ZMAT1: variants seen among roughly 807,000 people sequenced by gnomAD.
ZMAT1 encodes zinc finger matrin-type protein 1.
A neutral mutation model predicts 18.5 loss-of-function variants in ZMAT1; 11 were observed. The ratio of observed to expected loss-of-function variants is 0.59; its 90% CI spans 0.37 to 0.98. The LOEUF is 0.98. ZMAT1 is among the 50% of genes least tolerant of loss of function. ZMAT1 has a pLI of 0.01. For missense variants in ZMAT1, 525 were observed against 496.2 expected, an observed-to-expected ratio of 1.06 and a Z score of -0.55; for synonymous variants, 211 against 176.4, an observed-to-expected ratio of 1.20 and a Z score of -1.55.
intron 1 of ZMAT1, among the ~76,000 whole-genome samples, chrX:101,923,282 A>G (rs1438848655): frequency 8.9e-6 from 1 of 112,263 alleles, no homozygotes; most frequent in Non-Finnish European, 1.9e-5. Flanking sequence ...GATGAGAGAG[A>G]CTGCATTAGT....
intron 4 of ZMAT1, among the ~76,000 whole-genome samples, chrX:101,896,424 A>T (rs1927810748): frequency 1.8e-5 from 2 of 112,132 alleles, no homozygotes; most frequent in South Asian, 7.4e-4. Context: ...CTTTTATAAG[A>T]TGTTTTTTCT....
chrX:101,884,528 G>A lies in ZMAT1; in HGVS notation c.1070C>T (p.Thr357Ile). ...MEKQLPHSKK[T>I]YDSFQDELED... is the part of the protein sequence containing the mutation. ...AAGTTCATCTTGGAAAGAGTCATAT[G>A]TCTTCTTTGAATGAGGTAACTGCTT... Residue 357 changes from threonine to isoleucine, a missense_variant, in exon 6 of 6, where the codon ACA (threonine) becomes ATA (isoleucine). Transcript: ENST00000651725. The A allele has an allele frequency of 3.3e-6, 4 of 1,211,240 alleles. No homozygotes were observed. The highest frequency in any genetic ancestry group is 1.1e-6 in the Non-Finnish European group (1 of 895,192).
At chrX:101,912,396 G>A (rs1184586008) in intron 1 of ZMAT1, among the ~76,000 whole-genome samples, 1 of 112,323 alleles carries the variant, frequency 8.9e-6, no homozygotes, top group Non-Finnish European at 1.9e-5. Flanking sequence ...TGGATCCAGG[G>A]AAAGCTTTTG....
chrX:101,918,773 C>G (rs773254997), intron 1 of ZMAT1: 1 of 111,651 alleles, frequency 9.0e-6, no homozygotes, highest in Non-Finnish European at 1.9e-5. Context: ...TAAAATTTAA[C>G]ACTTATTTCT....
At chrX:101,890,694 G>C (rs895018092) in intron 4 of ZMAT1, among the ~76,000 whole-genome samples, 4 of 110,787 alleles carry the variant, frequency 3.6e-5, no homozygotes, top group African/African-American at 1.3e-4. Context: ...AGAGGTATGC[G>C]AGCACAAAGA....
chrX:101,889,427 C>T (rs1927214858), intron 4 of ZMAT1: 1 of 111,465 alleles, frequency 9.0e-6, no homozygotes, highest in Non-Finnish European at 1.9e-5. Context: ...GTGGGGCCTA[C>T]TCTTCCCCTA....
chrX:101,923,363 G>T (rs764301154), intron 1 of ZMAT1, among the ~76,000 whole-genome samples: 2 of 111,506 alleles, frequency 1.8e-5, no homozygotes, highest in East Asian at 5.6e-4. Flanking sequence ...GTTTCTACCT[G>T]ACTTTATATG....
chrX:101,917,450 T>C lies in ZMAT1; in HGVS notation c.293-13120A>G, dbSNP rs144404534. 1.5e-4 allele frequency among the ~76,000 whole-genome samples: 15 copies of C among 102,427 alleles called. No homozygotes were observed. In the East Asian group the frequency reaches 3.9e-3, roughly 27 times the overall value. The allele number at this position is 102,427 out of a possible 115,157, so 88.9% of individuals were successfully genotyped here. ...GCATATGAAAAGGTGTTCAACATAA[T>C]TAATCATCAGCAAAATGCAAATCAA... On this transcript the variant is annotated intron_variant, in intron 1 of 5. Coordinates refer to ENST00000651725, the MANE Select transcript of ZMAT1 (RefSeq NM_001394560.1).
chrX:101,909,187 C>T (rs1395334477), intron 1 of ZMAT1, among the ~76,000 whole-genome samples: 1 of 109,865 alleles, frequency 9.1e-6, no homozygotes, highest in Non-Finnish European at 1.9e-5. Context: ...TATTCCCTGA[C>T]TTGAAGGAAA....
At position 101,931,902 on chromosome X, in the gene ZMAT1, G is replaced by C; in HGVS notation, c.107C>G (p.Ala36Gly). The C allele has an allele frequency of 2.5e-6, 2 of 799,746 alleles. No individual in the cohort carries two copies. Among genetic ancestry groups the C allele is most frequent in the Non-Finnish European group, 3.0e-6 (2 of 671,458 alleles). The allele number at this position is 799,746 out of a possible 1,213,427, so 65.9% of individuals were successfully genotyped here. ...SSSSYTACAA[A>G]AAAAAAAAVI... ...TGCCGCCGCCGCCGCCGCCGCCGCC[G>C]CTGCCGCGCAGGCGGTGTAGGAGGA... Residue 36 changes from alanine to glycine, a missense_variant, in exon 1 of 6, where the codon GCG becomes GGG. By Grantham distance (60) the Ala-to-Gly change is moderately conservative (BLOSUM62 0). Transcript: ENST00000651725.
At chrX:101,924,381 G>T (rs910576484) in intron 1 of ZMAT1, among the ~76,000 whole-genome samples, 1 of 112,143 alleles carries the variant, frequency 8.9e-6, no homozygotes, top group Non-Finnish European at 1.9e-5. Context: ...CAAAGTGCTG[G>T]GATTACAGGC....
chrX:101,892,020 A>AT (rs1927444181), intron 4 of ZMAT1, among the ~76,000 whole-genome samples: 1 of 111,480 alleles, frequency 9.0e-6, no homozygotes, highest in Admixed American at 9.5e-5. Context: ...TGATGGCCAA[A>AT]TTTTTCTTGA....
chrX:101,883,495 A>G lies in ZMAT1; in HGVS notation c.*15T>C. ...TTTTTTTTCAATTCAACCTTGGGTA[A>G]ACAAAACTAAACATTCAAAATCCAA... On this transcript the variant is annotated 3_prime_UTR_variant, in exon 6 of 6. Coordinates refer to ENST00000651725, the MANE Select transcript of ZMAT1 (RefSeq NM_001394560.1). The G allele has an allele frequency of 8.7e-7, 1 of 1,146,702 alleles. No homozygotes were observed. The highest frequency in any genetic ancestry group is 1.2e-6 in the Non-Finnish European group (1 of 864,647). 94.5% of individuals were successfully genotyped at this position (1,146,702 alleles called of 1,213,427 possible).
intron 1 of ZMAT1, among the ~76,000 whole-genome samples, chrX:101,905,713 T>C (rs966984762): frequency 1.8e-5 from 2 of 111,708 alleles, no homozygotes; most frequent in African/African-American, 6.5e-5. Flanking sequence ...TTTAACTTTC[T>C]GTACAACTGT....
At chrX:101,928,931 GA>G (rs1261725140) in intron 1 of ZMAT1, among the ~76,000 whole-genome samples, 2 of 110,833 alleles carry the variant, frequency 1.8e-5, no homozygotes, top group Admixed American at 9.6e-5. Flanking sequence ...AAACATTTTT[GA>G]AAAATGAAAT....
intron 1 of ZMAT1, among the ~76,000 whole-genome samples, chrX:101,905,562 A>G (rs1928555486): frequency 1.8e-5 from 2 of 112,261 alleles, no homozygotes; most frequent in South Asian, 7.4e-4. Context: ...CAAATACAAT[A>G]CATCCAATTC....
intron 1 of ZMAT1, among the ~76,000 whole-genome samples, chrX:101,904,834 T>C (rs985405564): frequency 9.0e-6 from 1 of 111,044 alleles, no homozygotes; most frequent in Non-Finnish European, 1.9e-5. Context: ...CCTGTGGTCC[T>C]AGCTACTCCG....
intron 1 of ZMAT1, among the ~76,000 whole-genome samples, chrX:101,921,272 G>T (rs780115073): frequency 9.0e-6 from 1 of 111,588 alleles, no homozygotes; most frequent in Non-Finnish European, 1.9e-5. Context: ...CTCTGAGAGC[G>T]GTTCCCAGTC....
At chrX:101,908,249 T>G (rs894377904) in intron 1 of ZMAT1, among the ~76,000 whole-genome samples, 1 of 112,255 alleles carries the variant, frequency 8.9e-6, no homozygotes, top group African/African-American at 3.2e-5. Context: ...TTTTCAGGAT[T>G]AACTACTACG....
Sources: gnomAD v4.1 joint callset for allele counts (sites outside exome capture counted in the v4.1 genomes callset) on GRCh38, gnomAD v4.1.1 for gene constraint, MANE v1.5 for transcripts, NCBI Gene and HGNC (gene_info 2026-07-23, HGNC 2026-07-21) for gene names.